Variants in SNX13 observed in about 807,000 individuals in gnomAD.
SNX13 encodes sorting nexin 13.
SNX13 carries 45 observed loss-of-function variants against 133.6 expected under a neutral mutation model. The observed-to-expected ratio is 0.34, with a 90% confidence interval of 0.27 to 0.43. The LOEUF is 0.43. Ranked by LOEUF, SNX13 falls within the 20% of genes least tolerant of loss-of-function variation. The pLI, the probability that SNX13 is intolerant of heterozygous loss-of-function variation, is 1.00. For missense variants in SNX13, 1,032 were observed against 1,145.1 expected (o/e 0.90, Z 1.43); for synonymous variants, 414 against 373.9 (o/e 1.11, Z -1.24).
intron 5 of SNX13, among the ~76,000 whole-genome samples, chr7:17,877,238 G>A (rs963330627): frequency 6.6e-5 from 10 of 151,910 alleles, no homozygotes; most frequent in East Asian, 1.9e-4. Flanking sequence ...TCAGTAATCC[G>A]AGGATGAATT....
chr7:17,842,964 T>C (rs1040091320), intron 12 of SNX13, among the ~76,000 whole-genome samples: 6 of 151,762 alleles, frequency 4.0e-5, no homozygotes, highest in Non-Finnish European at 7.4e-5. Flanking sequence ...AGAAAGAAAT[T>C]TAAACATGTC....
chr7:17,904,607 A>G (rs924257306), intron 1 of SNX13, among the ~76,000 whole-genome samples: 7 of 152,212 alleles, frequency 4.6e-5, no homozygotes, highest in African/African-American at 1.7e-4. Context: ...CAATCTCACT[A>G]GAATGGGGTC....
intron 9 of SNX13, among the ~76,000 whole-genome samples, chr7:17,865,520 T>C (rs770667910): frequency 3.9e-5 from 6 of 152,102 alleles, no homozygotes; most frequent in South Asian, 2.1e-4. Context: ...TGTTCATGGA[T>C]TGGAAGAATC....
At chr7:17,887,999 T>C (rs1796204469) in intron 5 of SNX13, among the ~76,000 whole-genome samples, 1 of 152,144 alleles carries the variant, frequency 6.6e-6, no homozygotes, top group South Asian at 2.1e-4. Context: ...AGAATAAGGC[T>C]TTCTGAAGTA....
At chr7:17,834,262 GAC>G in intron 14 of SNX13, 78 bp from the exon 15 acceptor site, 1 of 1,271,252 alleles carries the variant, frequency 7.9e-7, no homozygotes. Flanking sequence ...TTCACCAAAA[GAC>G]ACACTGAGGT....
At chr7:17,886,674 A>T (rs894195042) in intron 5 of SNX13, among the ~76,000 whole-genome samples, 1 of 152,128 alleles carries the variant, frequency 6.6e-6, no homozygotes, top group African/African-American at 2.4e-5. Context: ...CCCACACTTC[A>T]CTTTCAAGAT....
At position 17,940,494 on chromosome 7, in the gene SNX13, C is replaced by G. The variant is rs1341749449; in HGVS notation, c.-199G>C. The G allele has an allele frequency of 7.0e-6, 5 of 711,488 alleles. No homozygotes were observed. The highest frequency in any genetic ancestry group is 6.0e-5 in the Admixed American group (3 of 49,850). The allele number at this position is 711,488 out of a possible 1,614,324, so 44.1% of individuals were successfully genotyped here. A position where few individuals can be genotyped will look rare whatever the true frequency, so the allele number is the denominator to read the frequency against. On this transcript the variant is annotated 5_prime_UTR_variant, in exon 1 of 26. Transcript: ENST00000428135. ...CGGACGCGCCGCCATCTTGGAAGAG[C>G]GACGTCCGCGTCTCGCTGCAACGTG... is the stretch of plus-strand genomic sequence containing the variant.
intron 5 of SNX13, among the ~76,000 whole-genome samples, chr7:17,876,435 C>G (rs988732860): frequency 6.6e-6 from 1 of 152,078 alleles, no homozygotes; most frequent in Non-Finnish European, 1.5e-5. Flanking sequence ...AAAAAATTAG[C>G]CAGGCATGGT....
At position 17,805,250 on chromosome 7, in the gene SNX13, T is replaced by TGTGTGTGTGTGTGTGTGTGCGCGC; in HGVS notation, c.2065-1671_2065-1670insGCGCGCACACACACACACACACAC. Among the ~76,000 whole-genome samples, 108 of 95,566 alleles carry TGTGTGTGTGTGTGTGTGTGCGCGC rather than the reference T, an allele frequency of 1.1e-3. 2 individuals are homozygous for TGTGTGTGTGTGTGTGTGTGCGCGC. The highest frequency in any genetic ancestry group is 2.8e-3 in the African/African-American group (89 of 31,844). 62.7% of individuals were successfully genotyped at this position (95,566 alleles called of 152,430 possible). ...GTGTGTGTGTGTGTGTGTGTGTGTGTGCGTGCGCGCGCGCGCATGCATGCA... is the reference window on the plus strand; with the variant it reads ...GTGTGTGTGTGTGTGTGTGTGTGTGTGTGTGTGTGTGTGTGTGTGCGCGCGCGTGCGCGCGCGCGCATGCATGCA... On this transcript the variant is annotated intron_variant, in intron 20 of 25. Transcript: ENST00000428135.
intron 1 of SNX13, among the ~76,000 whole-genome samples, chr7:17,917,813 A>G (rs771378499): frequency 6.6e-6 from 1 of 152,158 alleles, no homozygotes; most frequent in Non-Finnish European, 1.5e-5. Flanking sequence ...AATTCATATG[A>G]ACTACAAAAG....
chr7:17,828,744 C>T (rs1246620197), intron 16 of SNX13, among the ~76,000 whole-genome samples: 1 of 151,310 alleles, frequency 6.6e-6, no homozygotes, highest in African/African-American at 2.4e-5. Flanking sequence ...GTTTATATTA[C>T]CATGTGACAA....
At chr7:17,844,994 T>G (rs1056668920) in intron 12 of SNX13, among the ~76,000 whole-genome samples, 6 of 152,044 alleles carry the variant, frequency 3.9e-5, no homozygotes, top group Admixed American at 2.6e-4. Flanking sequence ...AGACAAAGAT[T>G]AAGATCAGGA....
chr7:17,887,888 G>T (rs1341038216), intron 5 of SNX13, among the ~76,000 whole-genome samples: 5 of 150,286 alleles, frequency 3.3e-5, no homozygotes, highest in African/African-American at 1.2e-4. Flanking sequence ...TTCCAGGTTT[G>T]TGGGCCCCTG....
intron 4 of SNX13, among the ~76,000 whole-genome samples, chr7:17,891,003 T>C (rs957765191): frequency 7.9e-5 from 12 of 151,876 alleles, no homozygotes; most frequent in Non-Finnish European, 1.8e-4. Context: ...AAATAGTACA[T>C]AATACAACTC....
chr7:17,903,251 C>T (rs1798029257), intron 1 of SNX13, among the ~76,000 whole-genome samples: 1 of 152,150 alleles, frequency 6.6e-6, no homozygotes, highest in Non-Finnish European at 1.5e-5. Flanking sequence ...TCCAGTGTGT[C>T]TGGGATAGGG....
intron 7 of SNX13, 27 bp downstream of exon 7, chr7:17,875,453 G>T: frequency 6.3e-7 from 1 of 1,589,118 alleles, no homozygotes. Flanking sequence ...AGCTACTATT[G>T]TCAAAAAAGT....
At chr7:17,804,089 C>G (rs1019530506) in intron 20 of SNX13, among the ~76,000 whole-genome samples, 1 of 151,924 alleles carries the variant, frequency 6.6e-6, no homozygotes, top group Non-Finnish European at 1.5e-5. Context: ...TTTTCACATA[C>G]ATATATATGA....
chr7:17,892,796 C>G (rs1796768377), intron 3 of SNX13, among the ~76,000 whole-genome samples: 1 of 152,090 alleles, frequency 6.6e-6, no homozygotes, highest in South Asian at 2.1e-4. Context: ...GAATTGAAGG[C>G]ACTACAATCT....
chr7:17,940,302 A>T lies in SNX13; in HGVS notation c.-7T>A. 1 of 1,564,426 alleles carries T rather than the reference A, an allele frequency of 6.4e-7. No individual in the cohort carries two copies. The highest frequency in any genetic ancestry group is 8.7e-7 in the Non-Finnish European group (1 of 1,154,572). On this transcript the variant is annotated 5_prime_UTR_variant, in exon 1 of 26. Coordinates refer to ENST00000428135, the MANE Select transcript of SNX13 (RefSeq NM_015132.5). ...CGCTTACCTCAGTTAACATTATTAC[A>T]CCCCGGGGAAGTGAGGTCCTCCCTA...
Sources: gnomAD v4.1 joint callset for allele counts (sites outside exome capture counted in the v4.1 genomes callset) on GRCh38, gnomAD v4.1.1 for gene constraint, MANE v1.5 for transcripts, NCBI Gene and HGNC (gene_info 2026-07-23, HGNC 2026-07-21) for gene names.